The following RABGAP1L variants were observed in gnomAD, a reference collection of about 807,000 sequenced individuals.
RABGAP1L encodes the protein rab GTPase-activating protein 1-like.
A neutral mutation model predicts 137.7 loss-of-function variants in RABGAP1L; 63 were observed. The observed-to-expected ratio is 0.46, with a 90% CI of 0.37 to 0.56. RABGAP1L has a LOEUF of 0.56. Ranked by LOEUF, RABGAP1L falls within the 20% of genes least tolerant of loss-of-function variation. RABGAP1L has a pLI of 0.00. For synonymous variants in RABGAP1L, 431 were observed against 433.7 expected (o/e 0.99, Z 0.08); for missense variants, 1,095 against 1,244.0 (o/e 0.88, Z 1.80).
chr1:174,347,015 G>A (rs1682494929), intron 11 of RABGAP1L, among the ~76,000 whole-genome samples: 1 of 152,080 alleles, frequency 6.6e-6, no homozygotes, highest in Non-Finnish European at 1.5e-5. Flanking sequence ...TAATTTCCAT[G>A]TGTTTGTATA....
chr1:174,296,985 A>AT (rs2148738617), intron 10 of RABGAP1L, among the ~76,000 whole-genome samples: 1 of 152,274 alleles, frequency 6.6e-6, no homozygotes, highest in South Asian at 2.1e-4. Flanking sequence ...ACCTTGCATA[A>AT]TTTTTTGAAT....
At chr1:174,211,136 A>G (rs1380594605) in intron 1 of RABGAP1L, among the ~76,000 whole-genome samples, 2 of 152,230 alleles carry the variant, frequency 1.3e-5, no homozygotes, top group African/African-American at 4.8e-5. Context: ...GCATTAAGAA[A>G]TTATCTGAAG....
intron 13 of RABGAP1L, among the ~76,000 whole-genome samples, chr1:174,571,683 A>T (rs1428071528): frequency 6.6e-6 from 1 of 152,216 alleles, no homozygotes; most frequent in Non-Finnish European, 1.5e-5. Flanking sequence ...TCTAAGTCAC[A>T]TACTATACCA....
At chr1:174,696,550 T>C (rs1679273830) in intron 15 of RABGAP1L, among the ~76,000 whole-genome samples, 1 of 152,146 alleles carries the variant, frequency 6.6e-6, no homozygotes, top group African/African-American at 2.4e-5. Context: ...ACCAGGGCAC[T>C]TTAGTCTACC....
chr1:174,722,437 C>CT (rs1468459947), intron 17 of RABGAP1L, among the ~76,000 whole-genome samples: 25 of 150,072 alleles, frequency 1.7e-4, no homozygotes, highest in African/African-American at 4.9e-4. Context: ...CCCATTTTTC[C>CT]TTTTTTATCG....
At chr1:174,343,675 C>T (rs17301013) in intron 11 of RABGAP1L, among the ~76,000 whole-genome samples, 87,269 of 151,920 alleles carry the variant, frequency 0.57, 27,452 homozygotes, top group African/African-American at 0.85. Context: ...TGATTGGGTT[C>T]ATTAGTCTGC....
At chr1:174,575,303 T>C (rs748823986) in intron 13 of RABGAP1L, among the ~76,000 whole-genome samples, 1 of 152,196 alleles carries the variant, frequency 6.6e-6, no homozygotes, top group Non-Finnish European at 1.5e-5. Flanking sequence ...GTAAAAAACA[T>C]ACCATTTTCC....
At chr1:174,649,878 G>A (rs1675314175) in intron 14 of RABGAP1L, among the ~76,000 whole-genome samples, 1 of 152,104 alleles carries the variant, frequency 6.6e-6, no homozygotes, top group Admixed American at 6.6e-5. Context: ...ATGTTGAATA[G>A]GAGTGGTGAG....
At chr1:174,955,648 G>A (rs1319906181) in intron 19 of RABGAP1L, among the ~76,000 whole-genome samples, 1 of 152,216 alleles carries the variant, frequency 6.6e-6, no homozygotes, top group Non-Finnish European at 1.5e-5. Flanking sequence ...CCTAGTATGA[G>A]CCAAATACTG....
At chr1:174,453,081 A>C (rs1195351996) in intron 13 of RABGAP1L, among the ~76,000 whole-genome samples, 1 of 152,222 alleles carries the variant, frequency 6.6e-6, no homozygotes, top group Non-Finnish European at 1.5e-5. Flanking sequence ...TTATTCATGA[A>C]GACATCGTTT....
At chr1:174,479,114 A>G (rs1027212190) in intron 13 of RABGAP1L, among the ~76,000 whole-genome samples, 4 of 152,198 alleles carry the variant, frequency 2.6e-5, no homozygotes, top group Admixed American at 1.3e-4. Context: ...GCAAATACCA[A>G]TCACTTGGGG....
chr1:174,770,860 A>G (rs937535726), intron 18 of RABGAP1L, among the ~76,000 whole-genome samples: 1 of 152,162 alleles, frequency 6.6e-6, no homozygotes, highest in Admixed American at 6.5e-5. Flanking sequence ...GATATTCACT[A>G]TTGACAGTCC....
intron 7 of RABGAP1L, among the ~76,000 whole-genome samples, chr1:174,268,277 G>A (rs1269981564): frequency 6.7e-6 from 1 of 149,182 alleles, no homozygotes; most frequent in Non-Finnish European, 1.5e-5. Flanking sequence ...TCGGCTCACT[G>A]TAAGCTCTGC....
At chr1:174,264,508 A>C (rs1200846566) in intron 7 of RABGAP1L, among the ~76,000 whole-genome samples, 4 of 152,124 alleles carry the variant, frequency 2.6e-5, no homozygotes, top group African/African-American at 9.7e-5. Flanking sequence ...TTATATATTC[A>C]ACAACTTCAG....
chr1:174,306,132 T>C (rs1678219264), intron 11 of RABGAP1L, among the ~76,000 whole-genome samples: 1 of 152,336 alleles, frequency 6.6e-6, no homozygotes, highest in South Asian at 2.1e-4. Flanking sequence ...CCGTGGTGTA[T>C]ATGTGCCACA....
intron 19 of RABGAP1L, among the ~76,000 whole-genome samples, chr1:174,917,898 A>C (rs1354364548): frequency 6.7e-6 from 1 of 148,556 alleles, no homozygotes; most frequent in Admixed American, 7.0e-5. Flanking sequence ...TGCCACTAGC[A>C]CTCCAGCCTG....
intron 17 of RABGAP1L, among the ~76,000 whole-genome samples, chr1:174,707,588 T>C (rs1025310818): frequency 5.9e-5 from 9 of 152,230 alleles, no homozygotes; most frequent in Non-Finnish European, 8.8e-5. Context: ...GTTTGTGTAA[T>C]GAGACTAACA....
At chr1:174,251,303 C>A (rs1022796212) in intron 6 of RABGAP1L, among the ~76,000 whole-genome samples, 15 of 150,158 alleles carry the variant, frequency 1.0e-4, no homozygotes, top group African/African-American at 2.9e-4. Flanking sequence ...GTGTTCTAAT[C>A]AAAATTGTTT....
chr1:174,624,619 A>T (rs1300642458), intron 13 of RABGAP1L, among the ~76,000 whole-genome samples: 2 of 152,188 alleles, frequency 1.3e-5, no homozygotes, highest in East Asian at 3.9e-4. Flanking sequence ...TTTCTGAGGT[A>T]AGTTAATCCA....
Sources: gnomAD v4.1 joint callset for allele counts (sites outside exome capture counted in the v4.1 genomes callset) on GRCh38, gnomAD v4.1.1 for gene constraint, MANE v1.5 for transcripts, NCBI Gene and HGNC (gene_info 2026-07-23, HGNC 2026-07-21) for gene names.